The following FAM171B variants were observed in gnomAD, a reference collection of about 807,000 sequenced individuals.
FAM171B encodes the protein family with sequence similarity 171 member B.
Under a neutral mutation model 75.6 loss-of-function variants are expected in FAM171B, and 19 were observed. The observed-to-expected ratio is 0.25, with a 90% CI of 0.18 to 0.37. The LOEUF is 0.37. FAM171B is among the 10% of genes least tolerant of loss of function. The pLI is 1.00. For synonymous variants in FAM171B, 367 were observed against 361.7 expected, an observed-to-expected ratio of 1.01 and a Z score of -0.17; for missense variants, 848 against 982.4, an observed-to-expected ratio of 0.86 and a Z score of 1.83.
At chr2:186,718,484 C>G (rs1689905083) in intron 1 of FAM171B, among the ~76,000 whole-genome samples, 1 of 152,152 alleles carries the variant, frequency 6.6e-6, no homozygotes, top group South Asian at 2.1e-4. Flanking sequence ...CAATTATTTC[C>G]TACTTGAAAA....
At chr2:186,758,916 TCTAA>T (rs1190500685) in intron 6 of FAM171B, among the ~76,000 whole-genome samples, 1 of 152,084 alleles carries the variant, frequency 6.6e-6, no homozygotes, top group Non-Finnish European at 1.5e-5. Context: ...TCTTATTCAT[TCTAA>T]CTAACTAACC....
intron 1 of FAM171B, among the ~76,000 whole-genome samples, chr2:186,737,529 A>G (rs1690221865): frequency 6.6e-6 from 1 of 152,126 alleles, no homozygotes; most frequent in Non-Finnish European, 1.5e-5. Flanking sequence ...AGTTTTTTGT[A>G]GAGACAGGGT....
In FAM171B at chr2:186,754,041, G is replaced by A. The variant is rs200396345; in HGVS notation, c.1004G>A (p.Gly335Glu). 2.6e-5 allele frequency: 41 copies of A among 1,589,496 alleles called. No individual in the cohort carries two copies. The East Asian group carries it at 8.8e-4, about 34-fold the overall frequency. ...TACTGGATAGCAGCTCCACTTCCAG[G>A]AACTAGAGGTATTGTAAAAAATGAA... ...LGYWIAAPLP[G>E]TRGSGINEDS... is the part of the protein sequence containing the mutation. Residue 335 changes from glycine to glutamate, a missense_variant, in exon 6 of 8, where the codon GGA becomes GAA. This residue lies in a region of FAM171B where 665 missense variants were observed against 729.0 expected (regional missense o/e 0.91). Coordinates refer to ENST00000304698, the MANE Select transcript of FAM171B (RefSeq NM_177454.4).
intron 2 of FAM171B, 82 bp from the exon 3 acceptor site, chr2:186,743,401 C>T: frequency 1.1e-6 from 1 of 888,336 alleles, no homozygotes; most frequent in Non-Finnish European, 1.8e-6. Flanking sequence ...CTTTTTGAGA[C>T]TTGCTGTTAC....
rs1159833251 is a variant in FAM171B at position 186,694,129 on chromosome 2, C to T, written c.-45C>T. On this transcript the variant is annotated 5_prime_UTR_variant, in exon 1 of 8. Transcript: ENST00000304698. ...CCCGCAGCCCTGGCGCCCGCCGCCG[C>T]CCGGAGCCCCGCAATATGCCGCCGC... The T allele has an allele frequency of 3.4e-6, 5 of 1,457,856 alleles. No homozygotes were observed. The highest frequency in any genetic ancestry group is 1.5e-5 in the African/African-American group (1 of 68,284). The allele number at this position is 1,457,856 out of a possible 1,614,324, so 90.3% of individuals were successfully genotyped here.
At chr2:186,753,007 A>G (rs1690478773) in intron 5 of FAM171B, among the ~76,000 whole-genome samples, 1 of 152,226 alleles carries the variant, frequency 6.6e-6, no homozygotes, top group South Asian at 2.1e-4. Flanking sequence ...TACTAGACCG[A>G]GACAATATTT....
At chr2:186,710,118 C>T (rs896602118) in intron 1 of FAM171B, among the ~76,000 whole-genome samples, 1 of 152,144 alleles carries the variant, frequency 6.6e-6, no homozygotes, top group Non-Finnish European at 1.5e-5. Flanking sequence ...AAGCACCTGT[C>T]ATGCAGTTTT....
In FAM171B at chr2:186,762,501, T is replaced by A. The variant is rs757026228; in HGVS notation, c.2159T>A (p.Leu720His). ...DMNELHSSRK[L>H]EREKTFIKSM... ...AATGAGCTTCACTCAAGTAGAAAGC[T>A]CGAGAGGGAGAAAACATTCATCAAA... is the stretch of plus-strand genomic sequence containing the variant. Residue 720 changes from leucine (L) to histidine (H), a missense_variant, in exon 8 of 8, where the codon CTC becomes CAC. Transcript: ENST00000304698. The surrounding 1 kb of genome is among the most constrained non-coding windows in gnomAD (Gnocchi z 4.0). 2 of 1,613,398 alleles carry A rather than the reference T, an allele frequency of 1.2e-6. No individual in the cohort carries two copies. The highest frequency in any genetic ancestry group is 3.3e-5 in the Admixed American group (2 of 59,900).
At chr2:186,736,573 A>T (rs989237772) in intron 1 of FAM171B, among the ~76,000 whole-genome samples, 12 of 104,594 alleles carry the variant, frequency 1.1e-4, no homozygotes, top group Non-Finnish European at 1.7e-4. Context: ...TGTGGGAGAG[A>T]GAGAGAGAGA....
At chr2:186,728,275 C>G (rs1183082952) in intron 1 of FAM171B, among the ~76,000 whole-genome samples, 2 of 152,166 alleles carry the variant, frequency 1.3e-5, no homozygotes, top group African/African-American at 4.8e-5. Flanking sequence ...GTGTTAGATA[C>G]TATAGGAAGT....
chr2:186,754,548 C>A (rs1037402679), intron 6 of FAM171B, among the ~76,000 whole-genome samples: 1 of 152,074 alleles, frequency 6.6e-6, no homozygotes, highest in African/African-American at 2.4e-5. Flanking sequence ...TGACTCTAAC[C>A]CTTTCCAGTA....
intron 3 of FAM171B, 151 bp downstream of exon 3, chr2:186,743,726 T>C (rs1403924917): frequency 1.8e-6 from 1 of 561,876 alleles, no homozygotes; most frequent in South Asian, 2.6e-5. Context: ...TGAACTGATA[T>C]TTTACTGTCA....
chr2:186,738,951 G>T (rs1690246444), intron 1 of FAM171B, among the ~76,000 whole-genome samples: 1 of 152,114 alleles, frequency 6.6e-6, no homozygotes, highest in Admixed American at 6.5e-5. Flanking sequence ...TACAAACCTA[G>T]ATGGTATAGC....
chr2:186,694,748 AACAC>A (rs57171143), intron 1 of FAM171B, among the ~76,000 whole-genome samples: 6,797 of 133,280 alleles, frequency 0.051, 170 homozygotes, highest in Non-Finnish European at 0.054. Flanking sequence ...GAATGACTGT[AACAC>A]ACACACACAC....
At position 186,751,302 on chromosome 2, in the gene FAM171B, C is replaced by T; in HGVS notation, c.893C>T (p.Thr298Ile). 6.4e-7 allele frequency: 1 copy of T among 1,562,960 alleles called. No individual in the cohort carries two copies. Among genetic ancestry groups the T allele is most frequent in the Non-Finnish European group, 8.7e-7 (1 of 1,149,178 alleles). Residue 298 changes from threonine (T) to isoleucine (I), a missense_variant and splice_region_variant, in exon 5 of 8, where the codon ACA (threonine) becomes ATA (isoleucine). Transcript: ENST00000304698. ...RIPAWTFDMN[T>I]GAWVNHGRGM... ...CCTGCTTGGACATTTGATATGAACA[C>T]AGGTATGTGAGCTAGGTTAAAATAG...
intron 1 of FAM171B, among the ~76,000 whole-genome samples, chr2:186,727,505 T>C (rs1301989008): frequency 6.6e-6 from 1 of 152,172 alleles, no homozygotes. Context: ...CCAGATAGCA[T>C]TGTAGCAAAC....
At chr2:186,755,191 G>A (rs995216966) in intron 6 of FAM171B, among the ~76,000 whole-genome samples, 3 of 152,102 alleles carry the variant, frequency 2.0e-5, no homozygotes, top group Non-Finnish European at 2.9e-5. Flanking sequence ...CGGTAGTCTA[G>A]ACCGGTTGCA....
At position 186,765,877 on chromosome 2, in the gene FAM171B, A is replaced by G. The variant is rs1690691978; in HGVS notation, c.*3054A>G. The G allele has an allele frequency of 6.6e-6, 1 of 152,120 alleles. No individual in the cohort carries two copies. Among genetic ancestry groups the G allele is most frequent in the Non-Finnish European group, 1.5e-5 (1 of 67,982 alleles). 9.4% of individuals were successfully genotyped at this position (152,120 alleles called of 1,614,324 possible). On this transcript the variant is annotated 3_prime_UTR_variant, in exon 8 of 8. Coordinates refer to ENST00000304698, the MANE Select transcript of FAM171B (RefSeq NM_177454.4). ...ATTTATTGCTGTTACTACTATATTT[A>G]CTGCTGAAAACTGTAACAACCTGAA... is the stretch of plus-strand genomic sequence containing the variant.
Position 186,704,900 on chromosome 2 carries a change from A to G in FAM171B, c.238+10489A>G, listed in dbSNP as rs147102384. Among the ~76,000 whole-genome samples the G allele has an allele frequency of 2.6e-5, 4 of 152,182 alleles. No individual in the cohort carries two copies. In the South Asian group the frequency reaches 8.3e-4, roughly 32 times the overall value. On this transcript the variant is annotated intron_variant, in intron 1 of 7. Transcript: ENST00000304698. ...GTCAACAGTCTGTGGAGGAGGAAGG[A>G]CCTCCCAAGTAGTGAATCTTTTTGC...
Sources: gnomAD v4.1 joint callset for allele counts (sites outside exome capture counted in the v4.1 genomes callset) on GRCh38, gnomAD v4.1.1 for gene constraint, gnomAD v4.1.1 regional missense constraint, Gnocchi (gnomAD v3.1) non-coding constraint, MANE v1.5 for transcripts, NCBI Gene and HGNC (gene_info 2026-07-23, HGNC 2026-07-21) for gene names.